FOXK2: variants seen among roughly 807,000 people sequenced by gnomAD.
The protein encoded by FOXK2 is forkhead box K2.
FOXK2 carries 24 observed loss-of-function variants against 53.3 expected under a neutral mutation model. That is an observed-to-expected ratio of 0.45 (90% CI 0.33 to 0.63). The LOEUF (loss-of-function observed/expected upper bound fraction) is 0.63. Among genes scored for constraint, FOXK2 ranks in the 30% least tolerant of loss-of-function variants. The pLI, the probability that FOXK2 is intolerant of heterozygous loss-of-function variation, is 0.03. For synonymous variants in FOXK2, 505 were observed against 407.1 expected, an observed-to-expected ratio of 1.24 and a Z score of -2.89; for missense variants, 952 against 910.5, an observed-to-expected ratio of 1.05 and a Z score of -0.59.
chr17:82,539,564 G>T (rs930981844), intron 1 of FOXK2, among the ~76,000 whole-genome samples: 1 of 152,020 alleles, frequency 6.6e-6, no homozygotes, highest in Non-Finnish European at 1.5e-5. Context: ...TGGGAGGATT[G>T]CTTGAACCCA....
At chr17:82,559,051 C>T (rs1283536346) in intron 1 of FOXK2, among the ~76,000 whole-genome samples, 9 of 152,046 alleles carry the variant, frequency 5.9e-5, no homozygotes, top group Non-Finnish European at 1.5e-5. Flanking sequence ...GCCTGGCCCA[C>T]GCTGGTTAAT....
intron 3 of FOXK2, among the ~76,000 whole-genome samples, chr17:82,568,496 G>T (rs765395942): frequency 2.6e-5 from 4 of 152,216 alleles, no homozygotes; most frequent in Non-Finnish European, 5.9e-5. Flanking sequence ...TCTTTGTGGA[G>T]CTCATGTGTG....
intron 8 of FOXK2, among the ~76,000 whole-genome samples, chr17:82,595,252 A>G (rs556650952): frequency 6.6e-6 from 1 of 152,298 alleles, no homozygotes; most frequent in African/African-American, 2.4e-5. Context: ...GTGACAGGTA[A>G]TAGTGGAGGT....
chr17:82,537,705 C>G, intron 1 of FOXK2, among the ~76,000 whole-genome samples: 1 of 150,260 alleles, frequency 6.7e-6, no homozygotes, highest in Non-Finnish European at 1.5e-5. Flanking sequence ...GCGGGCAGGT[C>G]ACGAGGTCAA....
At chr17:82,554,884 T>C (rs1275372747) in intron 1 of FOXK2, among the ~76,000 whole-genome samples, 3 of 152,124 alleles carry the variant, frequency 2.0e-5, no homozygotes, top group Non-Finnish European at 4.4e-5. Flanking sequence ...TAGCTGGGAT[T>C]ACAGGTGTGG....
chr17:82,556,039 ACTGT>A (rs2144101431), intron 1 of FOXK2, among the ~76,000 whole-genome samples: 1 of 152,256 alleles, frequency 6.6e-6, no homozygotes, highest in East Asian at 1.9e-4. Flanking sequence ...ATTTTTTTAA[ACTGT>A]CTATTGAAGT....
Position 82,586,094 on chromosome 17 carries a change from A to T in FOXK2, c.1470A>T (p.Pro490=). ...TCACCAGTGTGGCCGGACTGGCCCC[A>T]GCGAACACGTACACTGTCTCTGGAC... ...VSVTSVAGLA[P]ANTYTVSGQA... is the part of the protein sequence containing the mutation. Residue 490 remains proline (P), a synonymous_variant, in exon 7 of 9, where the codon CCA becomes CCT. Coordinates refer to ENST00000335255, the MANE Select transcript of FOXK2 (RefSeq NM_004514.4). 3 of 1,612,718 alleles carry T rather than the reference A, an allele frequency of 1.9e-6. No homozygotes were observed. In the South Asian group the frequency reaches 3.3e-5, roughly 18 times the overall value.
chr17:82,560,057 G>A (rs978794747), intron 1 of FOXK2, among the ~76,000 whole-genome samples: 2 of 145,456 alleles, frequency 1.4e-5, no homozygotes, highest in Non-Finnish European at 3.0e-5. Flanking sequence ...CCTGGCTGGA[G>A]TGCAGTGGCA....
At chr17:82,575,993 C>T (rs1429171520) in intron 4 of FOXK2, among the ~76,000 whole-genome samples, 7 of 92,412 alleles carry the variant, frequency 7.6e-5, no homozygotes, top group Non-Finnish European at 1.2e-4. Context: ...TTCGTCCACA[C>T]GTCCACACCA....
At chr17:82,520,384 G>C (rs1286842453) in intron 1 of FOXK2, 77 bp downstream of exon 1, 5 of 1,158,928 alleles carry the variant, frequency 4.3e-6, no homozygotes, top group Non-Finnish European at 5.4e-6. Flanking sequence ...CACGCGCCCA[G>C]GCCCGGGACC....
At chr17:82,554,752 T>C (rs1390251841) in intron 1 of FOXK2, among the ~76,000 whole-genome samples, 2 of 151,394 alleles carry the variant, frequency 1.3e-5, no homozygotes, top group Admixed American at 1.3e-4. Context: ...TTTTTTTTTT[T>C]CTTTTTTTCC....
chr17:82,571,664 A>G (rs2044919820), intron 3 of FOXK2, 60 bp from the exon 4 acceptor site: 17 of 1,424,978 alleles, frequency 1.2e-5, no homozygotes, highest in African/African-American at 4.5e-5. Context: ...TAAATCTAGT[A>G]AATTTAATAC....
chr17:82,553,067 C>T (rs1432944394), intron 1 of FOXK2, among the ~76,000 whole-genome samples: 1 of 152,146 alleles, frequency 6.6e-6, no homozygotes, highest in Non-Finnish European at 1.5e-5. Context: ...TCCGGAGTAG[C>T]TGGGATTACA....
intron 1 of FOXK2, among the ~76,000 whole-genome samples, chr17:82,548,271 T>C (rs1472571494): frequency 6.6e-6 from 1 of 152,226 alleles, no homozygotes; most frequent in East Asian, 1.9e-4. Context: ...AGCTAGTTGC[T>C]CCATATCCTT....
In FOXK2 at chr17:82,543,924, C is replaced by T. The variant is rs970114457; in HGVS notation, c.420-19430C>T. Among the ~76,000 whole-genome samples, 3 of 151,944 alleles carry T rather than the reference C, an allele frequency of 2.0e-5. No individual in the cohort carries two copies. In the South Asian group the frequency reaches 6.2e-4, roughly 32 times the overall value. ...CCCGAGCAGCTGGGACTACAGGCAC[C>T]CGCCACCACGCCTGGCTAATTTTTT... On this transcript the variant is annotated intron_variant, in intron 1 of 8. Coordinates refer to ENST00000335255, the MANE Select transcript of FOXK2 (RefSeq NM_004514.4).
intron 1 of FOXK2, among the ~76,000 whole-genome samples, chr17:82,545,962 C>T (rs78525047): frequency 1.3e-5 from 2 of 152,274 alleles, no homozygotes; most frequent in Non-Finnish European, 2.9e-5. Context: ...AGATCCAGTT[C>T]AGGGTGCCTC....
At chr17:82,587,358 A>G (rs1239849502) in intron 8 of FOXK2, 86 bp downstream of exon 8, 2 of 1,053,726 alleles carry the variant, frequency 1.9e-6, no homozygotes, top group African/African-American at 3.1e-5. Flanking sequence ...TTCTGACTGT[A>G]ACAATTTTAG....
chr17:82,530,220 T>C (rs887795626), intron 1 of FOXK2, among the ~76,000 whole-genome samples: 3 of 152,026 alleles, frequency 2.0e-5, no homozygotes, highest in African/African-American at 7.2e-5. Context: ...GCCGGGCACG[T>C]TGGGTCACGC....
rs572639784 is a variant in FOXK2 at position 82,563,553 on chromosome 17, G to C, written c.614+5G>C. On this transcript the variant is annotated splice_donor_5th_base_variant and intron_variant, in intron 2 of 8. Transcript: ENST00000335255. ...CTCCCCCACGGGAACCATCAGGTGCGGCCATGGGGATGGGGGACTGGAGCA... is the reference window on the plus strand; with the variant it reads ...CTCCCCCACGGGAACCATCAGGTGCCGCCATGGGGATGGGGGACTGGAGCA... 2 of 1,611,098 alleles carry C rather than the reference G, an allele frequency of 1.2e-6. No individual in the cohort carries two copies. The highest frequency in any genetic ancestry group is 1.7e-6 in the Non-Finnish European group (2 of 1,178,256).
Sources: allele counts gnomAD v4.1 joint callset (sites outside exome capture counted in the v4.1 genomes callset), GRCh38; gene constraint gnomAD v4.1.1; transcripts MANE v1.5; gene names NCBI Gene and HGNC (gene_info 2026-07-23, HGNC 2026-07-21).